The following NOS1AP variants were observed in gnomAD, a reference collection of about 807,000 sequenced individuals.
NOS1AP encodes the protein carboxyl-terminal PDZ ligand of neuronal nitric oxide synthase protein.
NOS1AP carries 21 observed loss-of-function variants against 56.2 expected under a neutral mutation model. The observed-to-expected ratio is 0.37, with a 90% CI of 0.26 to 0.54. The LOEUF is 0.54. NOS1AP is among the 20% of genes least tolerant of loss of function. The pLI is 0.84. For synonymous variants in NOS1AP, 270 were observed against 274.6 expected (o/e 0.98, Z 0.17); for missense variants, 522 against 657.8 (o/e 0.79, Z 2.26).
At chr1:162,087,840 G>A (rs1370898838) in intron 1 of NOS1AP, among the ~76,000 whole-genome samples, 1 of 152,146 alleles carries the variant, frequency 6.6e-6, no homozygotes, top group African/African-American at 2.4e-5. Flanking sequence ...TCTTTGAGGC[G>A]TGGGAGGAGA....
intron 9 of NOS1AP, among the ~76,000 whole-genome samples, chr1:162,365,819 A>G (rs915754039): frequency 4.6e-5 from 7 of 152,142 alleles, no homozygotes; most frequent in African/African-American, 1.7e-4. Flanking sequence ...AGTCACTGCT[A>G]TGTGCTCATC....
intron 3 of NOS1AP, among the ~76,000 whole-genome samples, chr1:162,297,294 C>CAT (rs1655496888): frequency 6.6e-6 from 1 of 151,770 alleles, no homozygotes; most frequent in African/African-American, 2.4e-5. Flanking sequence ...GCAGACTGTC[C>CAT]TGATGGTAAG....
At chr1:162,104,409 A>T (rs552002656) in intron 1 of NOS1AP, among the ~76,000 whole-genome samples, 49 of 152,246 alleles carry the variant, frequency 3.2e-4, no homozygotes, top group African/African-American at 1.2e-3. Flanking sequence ...CTCATGGAGT[A>T]TCTTACTAAG....
rs572866055 is a variant in NOS1AP at position 162,267,682 on chromosome 1, G to A, written c.178-19662G>A. On this transcript the variant is annotated intron_variant, in intron 2 of 9. Coordinates refer to ENST00000361897, the MANE Select transcript of NOS1AP (RefSeq NM_014697.3). ...GGAGGCTGAGGCAGGAGGATCACTT[G>A]AGCCCAGGAATTTGAGGCTGCAGTG... Among the ~76,000 whole-genome samples, 499 of 152,118 alleles carry A rather than the reference G, an allele frequency of 3.3e-3. 3 individuals are homozygous for A. The highest frequency in any genetic ancestry group is 4.0e-3 in the Non-Finnish European group (274 of 67,992).
chr1:162,102,831 T>G (rs1412907355), intron 1 of NOS1AP, among the ~76,000 whole-genome samples: 1 of 152,164 alleles, frequency 6.6e-6, no homozygotes, highest in African/African-American at 2.4e-5. Context: ...TCTCTTTTCT[T>G]CTTTATTAGT....
chr1:162,343,739 T>C, intron 5 of NOS1AP, 96 bp from the exon 6 acceptor site: 1 of 1,447,190 alleles, frequency 6.9e-7, no homozygotes, highest in South Asian at 1.2e-5. Context: ...CAACTTTAGA[T>C]TTTTCTGTCT....
chr1:162,078,825 C>T (rs1325438699), intron 1 of NOS1AP, among the ~76,000 whole-genome samples: 1 of 152,066 alleles, frequency 6.6e-6, no homozygotes, highest in Non-Finnish European at 1.5e-5. Context: ...CTGCAGTTTC[C>T]CACCCCGTTC....
chr1:162,225,248 G>T (rs1407809134), intron 2 of NOS1AP, among the ~76,000 whole-genome samples: 2 of 152,132 alleles, frequency 1.3e-5, no homozygotes, highest in East Asian at 3.9e-4. Flanking sequence ...TTTCCTGAAG[G>T]CCTGGACCAT....
intron 2 of NOS1AP, among the ~76,000 whole-genome samples, chr1:162,173,533 C>G (rs1650909068): frequency 6.6e-6 from 1 of 152,114 alleles, no homozygotes; most frequent in Non-Finnish European, 1.5e-5. Context: ...TCTAAAACAC[C>G]AAAAGCAATG....
At chr1:162,218,681 C>T (rs1275070048) in intron 2 of NOS1AP, among the ~76,000 whole-genome samples, 2 of 152,130 alleles carry the variant, frequency 1.3e-5, no homozygotes, top group African/African-American at 4.8e-5. Context: ...AAGTGGCCCC[C>T]AGAGTCCAGG....
At chr1:162,220,393 G>A (rs1323922919) in intron 2 of NOS1AP, among the ~76,000 whole-genome samples, 1 of 152,110 alleles carries the variant, frequency 6.6e-6, no homozygotes, top group Non-Finnish European at 1.5e-5. Context: ...AGTGGGAGAG[G>A]GAGGTAGATG....
intron 4 of NOS1AP, among the ~76,000 whole-genome samples, chr1:162,318,678 G>A (rs566776593): frequency 3.1e-4 from 47 of 151,880 alleles, no homozygotes; most frequent in African/African-American, 8.2e-4. Context: ...AGGGGATGTC[G>A]TATTTCCTAT....
At chr1:162,348,993 C>G (rs1657394659) in intron 6 of NOS1AP, among the ~76,000 whole-genome samples, 1 of 152,218 alleles carries the variant, frequency 6.6e-6, no homozygotes, top group South Asian at 2.1e-4. Context: ...CAAGACCAGC[C>G]TGACCAACAT....
At chr1:162,220,812 G>A (rs960349338) in intron 2 of NOS1AP, among the ~76,000 whole-genome samples, 3 of 151,960 alleles carry the variant, frequency 2.0e-5, no homozygotes, top group Admixed American at 2.0e-4. Flanking sequence ...GGAATCTTTG[G>A]GCCAAATGGG....
chr1:162,225,168 G>A (rs1441410584), intron 2 of NOS1AP, among the ~76,000 whole-genome samples: 1 of 152,198 alleles, frequency 6.6e-6, no homozygotes, highest in African/African-American at 2.4e-5. Flanking sequence ...TCTGAGCAGA[G>A]TCCTCCTAGG....
intron 1 of NOS1AP, among the ~76,000 whole-genome samples, chr1:162,118,883 C>T (rs988408980): frequency 1.3e-5 from 2 of 152,070 alleles, no homozygotes; most frequent in South Asian, 4.1e-4. Flanking sequence ...AACCTCATCT[C>T]GGAGCCTTGG....
intron 2 of NOS1AP, among the ~76,000 whole-genome samples, chr1:162,244,698 G>A (rs914779308): frequency 6.6e-6 from 1 of 152,094 alleles, no homozygotes; most frequent in Non-Finnish European, 1.5e-5. Context: ...GGGGGACATT[G>A]TATGACGTTT....
intron 2 of NOS1AP, among the ~76,000 whole-genome samples, chr1:162,264,899 C>T (rs1029588056): frequency 2.6e-5 from 4 of 151,470 alleles, no homozygotes; most frequent in African/African-American, 7.3e-5. Flanking sequence ...CTGCAACTTC[C>T]GCCTCCTAGG....
intron 1 of NOS1AP, among the ~76,000 whole-genome samples, chr1:162,148,293 C>G (rs772060461): frequency 1.3e-5 from 2 of 152,214 alleles, no homozygotes; most frequent in African/African-American, 4.8e-5. Flanking sequence ...TTTTGAGCAT[C>G]TCCTGTGTAC....
Sources: allele counts gnomAD v4.1 joint callset (sites outside exome capture counted in the v4.1 genomes callset), GRCh38; gene constraint gnomAD v4.1.1; transcripts MANE v1.5; gene names NCBI Gene and HGNC (gene_info 2026-07-23, HGNC 2026-07-21).